Variants in NPAS3 observed in about 807,000 individuals in gnomAD.
The protein encoded by NPAS3 is neuronal PAS domain protein 3.
In NPAS3, 14 loss-of-function variants were observed where a neutral mutation model predicts 73.1. The ratio of observed to expected loss-of-function variants is 0.19; its 90% CI spans 0.13 to 0.30. NPAS3 has a LOEUF of 0.30. Ranked by LOEUF, NPAS3 falls within the 10% of genes least tolerant of loss-of-function variation. The pLI is 1.00. For missense variants in NPAS3, 1,096 were observed against 1,250.0 expected (o/e 0.88, Z 1.86); for synonymous variants, 620 against 541.5 (o/e 1.14, Z -2.01).
At chr14:33,349,577 G>A (rs2044926426) in intron 3 of NPAS3, among the ~76,000 whole-genome samples, 1 of 150,810 alleles carries the variant, frequency 6.6e-6, no homozygotes, top group Non-Finnish European at 1.5e-5. Flanking sequence ...TATCATTATA[G>A]TTGTTTCTGC....
intron 9 of NPAS3, among the ~76,000 whole-genome samples, chr14:33,786,566 G>A (rs961980000): frequency 2.0e-5 from 3 of 152,206 alleles, no homozygotes; most frequent in African/African-American, 4.8e-5. Flanking sequence ...AATTGTTAAA[G>A]GGAGGTGAAG....
rs1470082490 is a variant in NPAS3, at chr14:33,392,751, G to A, written c.468+25483G>A. On this transcript the variant is annotated intron_variant, in intron 4 of 11. Transcript: ENST00000356141. ...ACAAATACAGATTTTACACATCACC[G>A]CTCGTGTTACCCTTACTCCAGTTGA... Among the ~76,000 whole-genome samples the A allele has an allele frequency of 3.3e-5, 5 of 152,054 alleles. No homozygotes were observed. The East Asian group carries it at 7.7e-4, about 23-fold the overall frequency.
chr14:33,005,692 G>A (rs7158435), intron 1 of NPAS3, among the ~76,000 whole-genome samples: 3,569 of 152,296 alleles, frequency 0.023, 97 homozygotes, highest in African/African-American at 0.064. Context: ...GGCAGTGGAA[G>A]TCTCAAAGTT....
intron 3 of NPAS3, among the ~76,000 whole-genome samples, chr14:33,324,944 G>GTTCTAAAGTTGTCTTTTGGGGT (rs2043625258): frequency 6.6e-6 from 1 of 152,076 alleles, no homozygotes; most frequent in Non-Finnish European, 1.5e-5. Context: ...TGTTTGTTTA[G>GTTCTAAAGTTGTCTTTTGGGGT]TTCTAAAGTT....
chr14:33,543,961 ATATATATATATATATATATATATAT>A (rs2054640814), intron 4 of NPAS3, among the ~76,000 whole-genome samples: 1 of 22,122 alleles, frequency 4.5e-5, no homozygotes, highest in Admixed American at 4.3e-4. Context: ...ATATATATAT[ATATATATATATATATATATATATAT>A]ATATATATAT....
At chr14:33,004,915 A>C (rs2038947386) in intron 1 of NPAS3, among the ~76,000 whole-genome samples, 1 of 148,652 alleles carries the variant, frequency 6.7e-6, no homozygotes, top group East Asian at 2.0e-4. Context: ...AAGGTCACTA[A>C]TACCACTGTC....
At chr14:33,350,977 A>G (rs146254462) in intron 3 of NPAS3, among the ~76,000 whole-genome samples, 11 of 152,322 alleles carry the variant, frequency 7.2e-5, no homozygotes, top group African/African-American at 2.6e-4. Flanking sequence ...AAGTTTGAGC[A>G]TGAGGTAATT....
intron 3 of NPAS3, among the ~76,000 whole-genome samples, chr14:33,257,745 A>T (rs1250752240): frequency 6.6e-6 from 1 of 152,204 alleles, no homozygotes; most frequent in Non-Finnish European, 1.5e-5. Context: ...ACAGTTTATG[A>T]CAATAAAAGT....
chr14:32,974,282 A>G (rs1277138635), intron 1 of NPAS3, among the ~76,000 whole-genome samples: 3 of 152,248 alleles, frequency 2.0e-5, no homozygotes, highest in Non-Finnish European at 4.4e-5. Context: ...AGATGAATGA[A>G]ACAGAAACTC....
At chr14:33,725,192 A>G (rs1186634326) in intron 6 of NPAS3, among the ~76,000 whole-genome samples, 1 of 152,186 alleles carries the variant, frequency 6.6e-6, no homozygotes. Context: ...GCAGCATACC[A>G]ACATAGCACA....
chr14:33,799,631 G>A (rs1270793892), intron 11 of NPAS3, 103 bp from the exon 12 acceptor site: 2 of 1,216,020 alleles, frequency 1.6e-6, no homozygotes, highest in Non-Finnish European at 2.3e-6. Flanking sequence ...CCTGCTCCCC[G>A]CCCCAGCCCC....
chr14:33,632,953 C>T (rs1259051826), intron 5 of NPAS3, among the ~76,000 whole-genome samples: 1 of 152,126 alleles, frequency 6.6e-6, no homozygotes, highest in Non-Finnish European at 1.5e-5. Context: ...AGAACACAGT[C>T]AGCCTTCTGT....
At chr14:33,755,765 T>C (rs940687703) in intron 7 of NPAS3, among the ~76,000 whole-genome samples, 1 of 152,152 alleles carries the variant, frequency 6.6e-6, no homozygotes, top group East Asian at 1.9e-4. Flanking sequence ...CTCACGGTTT[T>C]GCAGGCTATC....
intron 1 of NPAS3, among the ~76,000 whole-genome samples, chr14:32,991,719 A>G (rs2038342303): frequency 2.0e-5 from 3 of 152,222 alleles, no homozygotes; most frequent in Admixed American, 1.3e-4. Context: ...TACTTTCAAC[A>G]TTTGAAAATA....
intron 5 of NPAS3, among the ~76,000 whole-genome samples, chr14:33,584,922 G>A (rs1326630373): frequency 1.3e-5 from 2 of 152,156 alleles, no homozygotes; most frequent in Non-Finnish European, 2.9e-5. Flanking sequence ...TGGTTACCTT[G>A]GGTTGATGTA....
At chr14:33,356,680 T>C (rs1307626985) in intron 3 of NPAS3, among the ~76,000 whole-genome samples, 4 of 152,238 alleles carry the variant, frequency 2.6e-5, no homozygotes, top group African/African-American at 4.8e-5. Context: ...AAGCAAGAGT[T>C]CTTGACTTGG....
intron 6 of NPAS3, among the ~76,000 whole-genome samples, chr14:33,720,177 C>G (rs956553197): frequency 6.6e-6 from 1 of 152,130 alleles, no homozygotes; most frequent in African/African-American, 2.4e-5. Context: ...CCCAGGAGTA[C>G]AAGGCTATAA....
At position 33,627,897 on chromosome 14, in the gene NPAS3, G is replaced by T. The variant is rs560613310; in HGVS notation, c.559-48314G>T. ...AACAAAGAGATGTCCAAATAGCCAT[G>T]TAAATAAACCCTCAAGAAAATCTCT... is the stretch of plus-strand genomic sequence containing the variant. On this transcript the variant is annotated intron_variant, in intron 5 of 11. Coordinates refer to ENST00000356141, the Ensembl canonical transcript of NPAS3. Among the ~76,000 whole-genome samples, 3 of 152,314 alleles carry T rather than the reference G, an allele frequency of 2.0e-5. No homozygotes were observed. The East Asian group carries it at 5.8e-4, about 29-fold the overall frequency.
At position 33,694,819 on chromosome 14, in the gene NPAS3, T is replaced by G. The variant is rs536686226; in HGVS notation, c.733+18434T>G. On this transcript the variant is annotated intron_variant, in intron 6 of 11. Transcript: ENST00000356141. ...AAGACCACCTAAATGAGAAATCCCTTTAAGTGTCACATCACCTTTCTACGT... is the reference window on the plus strand; with the variant it reads ...AAGACCACCTAAATGAGAAATCCCTGTAAGTGTCACATCACCTTTCTACGT... Among the ~76,000 whole-genome samples the G allele has an allele frequency of 3.3e-5, 5 of 152,332 alleles. No individual in the cohort carries two copies. The East Asian group carries it at 9.6e-4, about 29-fold the overall frequency.
Sources: allele counts gnomAD v4.1 joint callset (sites outside exome capture counted in the v4.1 genomes callset), GRCh38; gene constraint gnomAD v4.1.1; transcripts MANE v1.5; gene names NCBI Gene and HGNC (gene_info 2026-07-23, HGNC 2026-07-21).